OCA2: variants seen among roughly 807,000 people sequenced by gnomAD.
OCA2 encodes P protein.
OCA2 carries 77 observed loss-of-function variants against 100.2 expected under a neutral mutation model. That is an observed-to-expected ratio of 0.77 (90% CI 0.64 to 0.93). The LOEUF (loss-of-function observed/expected upper bound fraction) is 0.93, where lower values mean the gene tolerates loss of function less well. Ranked by LOEUF, OCA2 falls within the 40% of genes least tolerant of loss-of-function variation. The pLI is 0.00. For missense variants in OCA2, 1,062 were observed against 1,089.1 expected, an observed-to-expected ratio of 0.98 and a Z score of 0.35; for synonymous variants, 432 against 439.2, an observed-to-expected ratio of 0.98 and a Z score of 0.21.
chr15:27,795,447 C>T lies in OCA2; in HGVS notation c.2433-39975G>A, dbSNP rs1039639072. 7.9e-5 allele frequency among the ~76,000 whole-genome samples: 12 copies of T among 151,984 alleles called. 1 individual carries two copies. Among genetic ancestry groups the T allele is most frequent in the Non-Finnish European group, 1.5e-5 (1 of 67,996 alleles). ...GACCCAGTTTCTCCACCCACAAGCT[C>T]AGGAGTCTCCTTGAATGCTCTCTCC... On this transcript the variant is annotated intron_variant, in intron 23 of 23. Coordinates refer to ENST00000354638, the MANE Select transcript of OCA2 (RefSeq NM_000275.3).
chr15:28,029,054 A>C (rs1292904371), intron 3 of OCA2, among the ~76,000 whole-genome samples: 2 of 151,322 alleles, frequency 1.3e-5, no homozygotes, highest in East Asian at 3.8e-4. Context: ...GACTCTTAAA[A>C]GTTTGTACCA....
intron 23 of OCA2, among the ~76,000 whole-genome samples, chr15:27,816,448 G>A (rs960058386): frequency 1.3e-5 from 2 of 152,252 alleles, no homozygotes; most frequent in East Asian, 1.9e-4. Context: ...GCCACCAGGC[G>A]CCTTACTTCA....
chr15:27,719,903 C>G, the OCA2 span, among the ~76,000 whole-genome samples: 2 of 152,122 alleles, frequency 1.3e-5, no homozygotes, highest in Non-Finnish European at 2.9e-5. Context: ...TCTCTTTCTC[C>G]TCCTATAAAG....
At chr15:27,907,857 T>C (rs531423754) in intron 19 of OCA2, among the ~76,000 whole-genome samples, 1 of 152,260 alleles carries the variant, frequency 6.6e-6, no homozygotes, top group African/African-American at 2.4e-5. Context: ...TAAAAAGTTA[T>C]TGAAGAAATA....
At chr15:28,086,785 C>A (rs2044783281) in intron 1 of OCA2, among the ~76,000 whole-genome samples, 1 of 152,102 alleles carries the variant, frequency 6.6e-6, no homozygotes, top group South Asian at 2.1e-4. Context: ...AACACAATAG[C>A]AAAATTCAAA....
At chr15:27,801,340 T>G (rs1193362286) in intron 23 of OCA2, among the ~76,000 whole-genome samples, 1 of 151,698 alleles carries the variant, frequency 6.6e-6, no homozygotes. Context: ...GATCACGAGG[T>G]CAAGAGATCA....
chr15:28,097,358 G>C (rs1294550297), intron 1 of OCA2, among the ~76,000 whole-genome samples: 2 of 152,236 alleles, frequency 1.3e-5, no homozygotes, highest in Non-Finnish European at 2.9e-5. Flanking sequence ...CAACCAGCGA[G>C]TGAGCTGGTA....
downstream of OCA2, among the ~76,000 whole-genome samples, chr15:27,754,608 A>T (rs1379734744): frequency 6.6e-6 from 1 of 152,174 alleles, no homozygotes; most frequent in African/African-American, 2.4e-5. Context: ...CATTTAATAA[A>T]CACCGACTGA....
intron 19 of OCA2, among the ~76,000 whole-genome samples, chr15:27,924,804 T>C (rs72712622): frequency 0.23 from 35,652 of 151,894 alleles, 4,892 homozygotes; most frequent in East Asian, 0.62. Context: ...GTAGCAGACG[T>C]GAAGCCAAGC....
intron 2 of OCA2, among the ~76,000 whole-genome samples, chr15:28,073,932 G>A (rs1197403555): frequency 6.6e-6 from 1 of 151,734 alleles, no homozygotes; most frequent in African/African-American, 2.4e-5. Context: ...CTGAGATTAC[G>A]ATGGAATAGG....
At chr15:27,860,772 T>G (rs2036101945) in intron 21 of OCA2, among the ~76,000 whole-genome samples, 1 of 152,214 alleles carries the variant, frequency 6.6e-6, no homozygotes, top group African/African-American at 2.4e-5. Flanking sequence ...CAAGGGCACA[T>G]GTCTTTTTGG....
At chr15:27,918,413 T>C (rs2140315947) in intron 19 of OCA2, among the ~76,000 whole-genome samples, 1 of 152,230 alleles carries the variant, frequency 6.6e-6, no homozygotes, top group East Asian at 1.9e-4. Flanking sequence ...GATAGATTAA[T>C]ATATTCTGCT....
intron 7 of OCA2, among the ~76,000 whole-genome samples, chr15:28,017,579 G>A (rs149621513): frequency 1.8e-4 from 27 of 152,306 alleles, no homozygotes; most frequent in South Asian, 1.4e-3. Flanking sequence ...TTGGTGTTGC[G>A]TCAGCCACGG....
intron 19 of OCA2, 71 bp from the exon 20 acceptor site, chr15:27,871,993 TTGAAAA>T (rs2036598140): frequency 2.5e-6 from 3 of 1,204,970 alleles, no homozygotes; most frequent in Non-Finnish European, 3.7e-6. Context: ...AAAAAAAGTC[TTGAAAA>T]TGAAAAGACG....
intron 23 of OCA2, among the ~76,000 whole-genome samples, chr15:27,765,778 C>T (rs1336662228): frequency 2.0e-5 from 3 of 152,156 alleles, no homozygotes; most frequent in African/African-American, 4.8e-5. Context: ...CGGTTTGGTC[C>T]GGGAACAGGA....
At chr15:27,847,171 G>T (rs969161780) in intron 22 of OCA2, among the ~76,000 whole-genome samples, 10 of 152,162 alleles carry the variant, frequency 6.6e-5, no homozygotes, top group Non-Finnish European at 1.3e-4. Flanking sequence ...TCGTTAAGTC[G>T]CACAGAGCCC....
intron 17 of OCA2, among the ~76,000 whole-genome samples, chr15:27,953,593 C>T (rs57072950): frequency 6.6e-6 from 1 of 152,134 alleles, no homozygotes; most frequent in South Asian, 2.1e-4. Flanking sequence ...CAGAAAGTGG[C>T]TATTGCCACA....
At chr15:28,059,298 G>A (rs2043800805) in intron 2 of OCA2, among the ~76,000 whole-genome samples, 1 of 152,198 alleles carries the variant, frequency 6.6e-6, no homozygotes, top group Admixed American at 6.5e-5. Context: ...GCAGTGGCCA[G>A]GGAAATCAGT....
In OCA2 at chr15:27,824,602, C is replaced by CTCTCTCTCTCTCTCTATATATATA; in HGVS notation, c.2432+20356_2432+20357insTATATATATAGAGAGAGAGAGAGA. Among the ~76,000 whole-genome samples the CTCTCTCTCTCTCTCTATATATATA allele has an allele frequency of 7.5e-3, 354 of 47,500 alleles. 11 individuals carry two copies. The highest frequency in any genetic ancestry group is 0.056 in the East Asian group (3 of 54). The allele number at this position is 47,500 out of a possible 152,430, so 31.2% of individuals were successfully genotyped here. On this transcript the variant is annotated intron_variant, in intron 23 of 23. Transcript: ENST00000354638. ...TTTCTCTCTCTCTCTCTCTCTCTCT[C>CTCTCTCTCTCTCTCTATATATATA]TATATATATATATATATATAATATA...
Sources: allele counts gnomAD v4.1 joint callset (sites outside exome capture counted in the v4.1 genomes callset), GRCh38; gene constraint gnomAD v4.1.1; transcripts MANE v1.5; gene names NCBI Gene and HGNC (gene_info 2026-07-23, HGNC 2026-07-21).